Variants in SHANK2 observed in about 807,000 individuals in gnomAD.
SHANK2 encodes SH3 and multiple ankyrin repeat domains protein 2.
In SHANK2, 43 loss-of-function variants were observed where a neutral mutation model predicts 133.7. The observed-to-expected ratio is 0.32, with a 90% CI of 0.25 to 0.41. The LOEUF is 0.41. Among genes scored for constraint, SHANK2 ranks in the 10% least tolerant of loss-of-function variants. The probability of loss-of-function intolerance (pLI) is 1.00; values close to 1 mark genes in which losing one functional copy is unlikely to be tolerated. For synonymous variants in SHANK2, 1,017 were observed against 952.8 expected, an observed-to-expected ratio of 1.07 and a Z score of -1.24; for missense variants, 1,994 against 2,235.8, an observed-to-expected ratio of 0.89 and a Z score of 2.18.
chr11:70,712,730 G>A (rs1385000732), intron 14 of SHANK2, among the ~76,000 whole-genome samples: 2 of 152,222 alleles, frequency 1.3e-5, no homozygotes, highest in Non-Finnish European at 2.9e-5. Flanking sequence ...TTCCTCGCTC[G>A]GCTAAAAGCG....
chr11:70,617,322 TGA>T (rs1491072422), intron 17 of SHANK2, among the ~76,000 whole-genome samples: 9 of 152,128 alleles, frequency 5.9e-5, no homozygotes, highest in Admixed American at 3.3e-4. Context: ...TGTGTGTGTG[TGA>T]GTGTGTAGTG....
intron 6 of SHANK2, among the ~76,000 whole-genome samples, chr11:71,103,323 C>T (rs748266031): frequency 5.3e-5 from 8 of 152,192 alleles, no homozygotes; most frequent in Non-Finnish European, 8.8e-5. Flanking sequence ...GCAGCTATCA[C>T]TCTTTAAGTG....
chr11:71,057,059 G>A (rs1392960094), intron 9 of SHANK2, among the ~76,000 whole-genome samples: 2 of 152,164 alleles, frequency 1.3e-5, no homozygotes, highest in Non-Finnish European at 2.9e-5. Flanking sequence ...TATTGGCCAT[G>A]CGCAGTAGCT....
At chr11:70,544,036 C>A (rs2059657348) in intron 17 of SHANK2, among the ~76,000 whole-genome samples, 1 of 152,188 alleles carries the variant, frequency 6.6e-6, no homozygotes, top group Admixed American at 6.5e-5. Flanking sequence ...CTCACAGTCC[C>A]CCCAAATTTG....
chr11:71,212,071 C>T (rs79552681), intron 2 of SHANK2, among the ~76,000 whole-genome samples: 3,390 of 152,280 alleles, frequency 0.022, 49 homozygotes, highest in African/African-American at 0.034. Flanking sequence ...AAAATTCTTC[C>T]TAGATGAGAG....
At chr11:70,651,833 C>T (rs1188913938) in intron 17 of SHANK2, among the ~76,000 whole-genome samples, 1 of 152,184 alleles carries the variant, frequency 6.6e-6, no homozygotes, top group Non-Finnish European at 1.5e-5. Flanking sequence ...GGTGTTTGGT[C>T]TTTAACTTGG....
chr11:71,136,796 C>A (rs1263219429), intron 3 of SHANK2, among the ~76,000 whole-genome samples: 3 of 152,182 alleles, frequency 2.0e-5, no homozygotes, highest in African/African-American at 7.2e-5. Flanking sequence ...GGGATGGAAA[C>A]CTCCCACACC....
chr11:71,164,676 CT>C (rs1167350285), intron 2 of SHANK2, among the ~76,000 whole-genome samples: 11 of 152,370 alleles, frequency 7.2e-5, no homozygotes, highest in Admixed American at 5.9e-4. Flanking sequence ...GGAGATGTGC[CT>C]GTTACTAAAC....
At chr11:70,878,539 GT>G (rs1432111544) in intron 11 of SHANK2, among the ~76,000 whole-genome samples, 1 of 152,196 alleles carries the variant, frequency 6.6e-6, no homozygotes, top group Non-Finnish European at 1.5e-5. Context: ...GGGCTGCATG[GT>G]GGGTTTGGAC....
chr11:70,855,776 T>C (rs1949158980), intron 11 of SHANK2, among the ~76,000 whole-genome samples: 1 of 152,172 alleles, frequency 6.6e-6, no homozygotes, highest in Non-Finnish European at 1.5e-5. Context: ...AGGAGTTAAA[T>C]CGATGGCAGG....
intron 15 of SHANK2, among the ~76,000 whole-genome samples, chr11:70,680,132 C>T (rs1047202011): frequency 6.6e-5 from 10 of 152,132 alleles, no homozygotes; most frequent in Admixed American, 1.3e-4. Context: ...CCATCTGTAA[C>T]GTGGGGCCAT....
intron 6 of SHANK2, among the ~76,000 whole-genome samples, chr11:71,096,208 A>G (rs1003493962): frequency 1.3e-5 from 2 of 152,204 alleles, no homozygotes; most frequent in Non-Finnish European, 2.9e-5. Context: ...TCTGTTGCAT[A>G]CCCTCCTGAT....
chr11:70,838,772 G>A (rs1303994866), intron 11 of SHANK2, among the ~76,000 whole-genome samples: 1 of 152,206 alleles, frequency 6.6e-6, no homozygotes, highest in Non-Finnish European at 1.5e-5. Flanking sequence ...AGGAATTTAT[G>A]TGTAGACTTC....
intron 10 of SHANK2, among the ~76,000 whole-genome samples, chr11:70,941,060 G>A (rs1202570028): frequency 6.6e-6 from 1 of 152,184 alleles, no homozygotes; most frequent in African/African-American, 2.4e-5. Context: ...TGGAAAACAA[G>A]TTTGGTGTCT....
At chr11:70,536,027 T>C (rs2059538880) in intron 17 of SHANK2, among the ~76,000 whole-genome samples, 1 of 152,178 alleles carries the variant, frequency 6.6e-6, no homozygotes, top group African/African-American at 2.4e-5. Context: ...TCTCTGCAGG[T>C]GCACACACTG....
At chr11:70,694,891 C>T (rs1945359143) in intron 15 of SHANK2, among the ~76,000 whole-genome samples, 1 of 152,170 alleles carries the variant, frequency 6.6e-6, no homozygotes, top group Non-Finnish European at 1.5e-5. Context: ...CCGTGCTGCC[C>T]ACCCTCTGTC....
intron 15 of SHANK2, among the ~76,000 whole-genome samples, chr11:70,688,280 C>T (rs1217795617): frequency 2.6e-5 from 4 of 152,196 alleles, no homozygotes; most frequent in East Asian, 3.9e-4. Flanking sequence ...AGGGTCTGAG[C>T]GTACCTCCAG....
At chr11:70,933,061 C>T in intron 10 of SHANK2, 1 of 449,500 alleles carries the variant, frequency 2.2e-6, no homozygotes, top group South Asian at 1.6e-5. Flanking sequence ...GGTATTTGCA[C>T]ACTCATGTCC....
At chr11:71,230,596 A>T (rs2135764509) in intron 1 of SHANK2, among the ~76,000 whole-genome samples, 1 of 152,104 alleles carries the variant, frequency 6.6e-6, no homozygotes, top group Admixed American at 6.6e-5. Context: ...GTATATGGAA[A>T]GGCAAAAGAA....
Sources: allele counts gnomAD v4.1 joint callset (sites outside exome capture counted in the v4.1 genomes callset), GRCh38; gene constraint gnomAD v4.1.1; transcripts MANE v1.5; gene names NCBI Gene and HGNC (gene_info 2026-07-23, HGNC 2026-07-21).